The following TACC2 variants were observed in gnomAD, a reference collection of about 807,000 sequenced individuals.
The protein encoded by TACC2 is transforming acidic coiled-coil-containing protein 2.
Under a neutral mutation model 227.3 loss-of-function variants are expected in TACC2, and 137 were observed. The ratio of observed to expected loss-of-function variants is 0.60; its 90% confidence interval spans 0.52 to 0.69. The LOEUF (loss-of-function observed/expected upper bound fraction) is 0.69, where lower values mean the gene tolerates loss of function less well. Ranked by LOEUF, TACC2 falls within the 30% of genes least tolerant of loss-of-function variation. The pLI, the probability that TACC2 is intolerant of heterozygous loss-of-function variation, is 0.00. For synonymous variants in TACC2, 1,523 were observed against 1,487.5 expected, an observed-to-expected ratio of 1.02 and a Z score of -0.55; for missense variants, 3,470 against 3,694.4, an observed-to-expected ratio of 0.94 and a Z score of 1.57.
Position 122,252,666 on chromosome 10 carries a change from T to C in TACC2, c.8782-1325T>C, listed in dbSNP as rs917653316. ...CCACCACGCCCAGCTAATTTTTTTG[T>C]ATTTTTAGTAGTGACAGGGTTTCAC... On this transcript the variant is annotated intron_variant, in intron 22 of 22. Transcript: ENST00000369005. Among the ~76,000 whole-genome samples the C allele has an allele frequency of 2.0e-5, 3 of 151,996 alleles. No homozygotes were observed. The South Asian group carries it at 6.2e-4, about 32-fold the overall frequency.
chr10:122,177,466 G>A (rs1199517055), intron 7 of TACC2, among the ~76,000 whole-genome samples: 3 of 152,120 alleles, frequency 2.0e-5, no homozygotes, highest in African/African-American at 7.2e-5. Flanking sequence ...CTGCTTGGGA[G>A]GCTGAGGCAG....
At chr10:122,132,499 A>G in intron 5 of TACC2, 110 bp from the exon 6 acceptor site, 1 of 1,296,076 alleles carries the variant, frequency 7.7e-7, no homozygotes, top group Non-Finnish European at 1.1e-6. Flanking sequence ...CAGTGAGCGG[A>G]GATCGCGCCA....
chr10:122,004,290 C>G (rs1336679200), intron 1 of TACC2, among the ~76,000 whole-genome samples: 2 of 151,516 alleles, frequency 1.3e-5, no homozygotes. Context: ...CCCAGATACT[C>G]AGGAGGCTGA....
intron 19 of TACC2, among the ~76,000 whole-genome samples, chr10:122,242,397 C>T (rs1474518126): frequency 6.6e-6 from 1 of 152,136 alleles, no homozygotes. Context: ...CAAATGACAC[C>T]TCAGCCTTTC....
Position 122,203,920 on chromosome 10 carries a change from C to T in TACC2, c.5972-6477C>T, listed in dbSNP as rs535873729. 6.0e-3 allele frequency among the ~76,000 whole-genome samples: 915 copies of T among 152,112 alleles called. 2 individuals are homozygous for T. Among genetic ancestry groups the T allele is most frequent in the Non-Finnish European group, 9.9e-3 (676 of 68,002 alleles). ...TCTGCAATCCCGGCACCTCGGGAGG[C>T]CGAGGCTGGCGGATCACTCGCGGTT... On this transcript the variant is annotated intron_variant, in intron 8 of 22. Transcript: ENST00000369005.
intron 1 of TACC2, among the ~76,000 whole-genome samples, chr10:122,006,358 A>T (rs1434846018): frequency 1.3e-5 from 2 of 152,110 alleles, no homozygotes; most frequent in African/African-American, 4.8e-5. Context: ...CTGAGGCAGG[A>T]GAATGGTGTG....
chr10:122,196,855 G>C (rs781445571), intron 8 of TACC2, among the ~76,000 whole-genome samples: 2 of 141,618 alleles, frequency 1.4e-5, no homozygotes, highest in African/African-American at 2.6e-5. Context: ...AGAATGGTGT[G>C]AACCCAGGAG....
chr10:122,192,465 A>G, intron 7 of TACC2: 2 of 334,718 alleles, frequency 6.0e-6, no homozygotes, highest in Non-Finnish European at 1.2e-5. Flanking sequence ...AGGAATGCAG[A>G]AGCCAGGGGA....
In TACC2 at chr10:122,085,269, G is replaced by C. The variant is rs777186376; in HGVS notation, c.2769G>C (p.Trp923Cys). Residue 923 changes from tryptophan to cysteine, a missense_variant, in exon 4 of 23, where the codon TGG becomes TGC. Physicochemically the swap from Trp to Cys is radical, Grantham distance 215. This residue lies in a region of TACC2 where 1,924 missense variants were observed against 1,978.3 expected (regional missense o/e 0.97). Transcript: ENST00000369005. Reference sequence around the variant, plus strand: ...CTTCATCTCCCACTGACATGGTTTGGGAGAGTTCTCTGACAGAAGAGTCAG... The same window carrying C: ...CTTCATCTCCCACTGACATGGTTTGCGAGAGTTCTCTGACAGAAGAGTCAG... ...TPTSSPTDMVWESSLTEESEL... is the reference protein window; with the variant it reads ...TPTSSPTDMVCESSLTEESEL... The C allele has an allele frequency of 1.2e-6, 2 of 1,614,066 alleles. No individual in the cohort carries two copies. The highest frequency in any genetic ancestry group is 2.2e-5 in the South Asian group (2 of 91,080).
rs543681620 is a variant in TACC2, at chr10:122,100,002, C to T, written c.5573+11411C>T. 7.2e-5 allele frequency among the ~76,000 whole-genome samples: 11 copies of T among 152,282 alleles called. 1 individual carries two copies. Among genetic ancestry groups the T allele is most frequent in the East Asian group, 3.9e-4 (2 of 5,162 alleles). ...CTTTGGGGCTGGGCACAGTGGCTGACGCCTGTAATCCCAGCACTTTGGGAG... is the reference window on the plus strand; with the variant it reads ...CTTTGGGGCTGGGCACAGTGGCTGATGCCTGTAATCCCAGCACTTTGGGAG... On this transcript the variant is annotated intron_variant, in intron 5 of 22. Transcript: ENST00000369005.
chr10:122,218,788 C>G (rs918877730), intron 11 of TACC2, among the ~76,000 whole-genome samples: 1 of 151,902 alleles, frequency 6.6e-6, no homozygotes, highest in African/African-American at 2.4e-5. Flanking sequence ...CTGAGGCAGG[C>G]AGATCACATG....
chr10:122,036,386 A>G (rs1374060740), intron 2 of TACC2, among the ~76,000 whole-genome samples: 2 of 149,904 alleles, frequency 1.3e-5, no homozygotes, highest in African/African-American at 2.5e-5. Flanking sequence ...GTAGAGACAG[A>G]GTTTCACCGT....
chr10:122,120,042 A>G (rs2085435709), intron 5 of TACC2, among the ~76,000 whole-genome samples: 1 of 152,188 alleles, frequency 6.6e-6, no homozygotes, highest in Non-Finnish European at 1.5e-5. Flanking sequence ...CCTTGGGCTC[A>G]TTAATCCCAA....
chr10:121,991,933 G>T (rs949687517), intron 1 of TACC2, among the ~76,000 whole-genome samples: 3 of 152,168 alleles, frequency 2.0e-5, no homozygotes, highest in Non-Finnish European at 4.4e-5. Context: ...AGCAGGCAAA[G>T]AAAGAGCTTG....
rs2140935501 is a variant in TACC2, at chr10:122,205,778, C to G, written c.5972-4619C>G. 6.6e-6 allele frequency among the ~76,000 whole-genome samples: 1 copy of G among 152,298 alleles called. No homozygotes were observed. Among genetic ancestry groups the G allele is most frequent in the Non-Finnish European group, 1.5e-5 (1 of 68,028 alleles). ...TGTCTCAGGTGTGTCTTAGGCTAGA[C>G]AAATTTGGGAAATGTTGAATTCATC... On this transcript the variant is annotated intron_variant, in intron 8 of 22. Transcript: ENST00000369005. This position sits in a 1 kb window ranked among gnomAD's most constrained non-coding sequence, Gnocchi z 4.5.
At chr10:122,030,543 C>T (rs1046793547) in intron 2 of TACC2, among the ~76,000 whole-genome samples, 6 of 152,044 alleles carry the variant, frequency 3.9e-5, no homozygotes, top group Admixed American at 1.3e-4. Context: ...GTTCAATACC[C>T]GCATCCCACT....
intron 18 of TACC2, among the ~76,000 whole-genome samples, chr10:122,239,933 G>T (rs1243715322): frequency 2.0e-5 from 3 of 152,192 alleles, no homozygotes; most frequent in African/African-American, 7.2e-5. Context: ...GAAAATGGGG[G>T]TAAATAACAG....
chr10:122,243,851 A>G (rs1160827122), intron 19 of TACC2, among the ~76,000 whole-genome samples: 1 of 152,292 alleles, frequency 6.6e-6, no homozygotes, highest in Admixed American at 6.5e-5. Flanking sequence ...AAATGTTGAA[A>G]TGCGGGGGAA....
chr10:121,989,228 C>T lies in TACC2; in HGVS notation c.-306C>T, dbSNP rs1305742010. 1 of 152,246 alleles carries T rather than the reference C, an allele frequency of 6.6e-6. No homozygotes were observed. Among genetic ancestry groups the T allele is most frequent in the East Asian group, 1.9e-4 (1 of 5,202 alleles). 9.4% of individuals were successfully genotyped at this position (152,246 alleles called of 1,614,324 possible). A position where few individuals can be genotyped will look rare whatever the true frequency, so the allele number is the denominator to read the frequency against. On this transcript the variant is annotated 5_prime_UTR_variant, in exon 1 of 23. Transcript: ENST00000369005. ...AGAAACGCAAATCCCAGAACCGTGC[C>T]AACATATAAAACCCCACATTAAGGG...
Sources: gnomAD v4.1 joint callset for allele counts (sites outside exome capture counted in the v4.1 genomes callset) on GRCh38, gnomAD v4.1.1 for gene constraint, gnomAD v4.1.1 regional missense constraint, Gnocchi (gnomAD v3.1) non-coding constraint, MANE v1.5 for transcripts, NCBI Gene and HGNC (gene_info 2026-07-23, HGNC 2026-07-21) for gene names.